ZFP37: variants seen among roughly 807,000 people sequenced by gnomAD.
The protein encoded by ZFP37 is ZFP37 zinc finger protein.
A neutral mutation model predicts 52.1 loss-of-function variants in ZFP37; 38 were observed. The observed-to-expected ratio is 0.73, with a 90% CI of 0.56 to 0.96. The LOEUF (loss-of-function observed/expected upper bound fraction) is 0.96, where lower values mean the gene tolerates loss of function less well. Among genes scored for constraint, ZFP37 ranks in the 40% least tolerant of loss-of-function variants. The probability of loss-of-function intolerance (pLI) is 0.00; values close to 1 mark genes in which losing one functional copy is unlikely to be tolerated. For synonymous variants in ZFP37, 253 were observed against 259.5 expected, an observed-to-expected ratio of 0.98 and a Z score of 0.24; for missense variants, 695 against 741.4, an observed-to-expected ratio of 0.94 and a Z score of 0.73.
At position 113,049,353 on chromosome 9, in the gene ZFP37, A is replaced by G; in HGVS notation, c.349+9T>C. 1.9e-6 allele frequency: 3 copies of G among 1,611,562 alleles called. No individual in the cohort carries two copies. The South Asian group carries it at 3.3e-5, about 18-fold the overall frequency. ...TTATTTGCTGAAAAATTTCAAAGTT[A>G]CAACTTACTTCCATCAGTTTCTTTT... On this transcript the variant is annotated intron_variant, in intron 3 of 3. Coordinates refer to ENST00000374227, the MANE Select transcript of ZFP37 (RefSeq NM_003408.3).
At chr9:113,056,476 C>A in intron 1 of ZFP37, 81 bp downstream of exon 1, 1 of 1,561,116 alleles carries the variant, frequency 6.4e-7, no homozygotes. Context: ...AATCACCTAT[C>A]GTCACAGACT....
intron 3 of ZFP37, among the ~76,000 whole-genome samples, chr9:113,046,245 CAGAT>C (rs977036736): frequency 1.7e-5 from 2 of 120,784 alleles, no homozygotes; most frequent in African/African-American, 6.2e-5. Flanking sequence ...TATATATAGA[CAGAT>C]AAATATCTAT....
chr9:113,050,945 A>G (rs1006759129), intron 1 of ZFP37, among the ~76,000 whole-genome samples: 1 of 152,090 alleles, frequency 6.6e-6, no homozygotes. Flanking sequence ...TATTGTAGGC[A>G]TGTAAGAATG....
In ZFP37 at chr9:113,052,985, A is replaced by G. The variant is rs1829083489; in HGVS notation, c.133-3113T>C. Among the ~76,000 whole-genome samples the G allele has an allele frequency of 1.3e-5, 2 of 152,318 alleles. No homozygotes were observed. The highest frequency in any genetic ancestry group is 4.2e-4 in the South Asian group (2 of 4,818). ...AGCTAAATTCCTGCCATAATGCTGC[A>G]CTACCTCCGTATCAACGTGGAAGAG... On this transcript the variant is annotated intron_variant, in intron 1 of 3. Transcript: ENST00000374227. The surrounding 1 kb of genome is among the most constrained non-coding windows in gnomAD (Gnocchi z 4.1).
At position 113,043,833 on chromosome 9, in the gene ZFP37, T is replaced by G. The variant is rs1310904209; in HGVS notation, c.785A>C (p.Gln262Pro). The G allele has an allele frequency of 6.2e-7, 1 of 1,614,110 alleles. No homozygotes were observed. The highest frequency in any genetic ancestry group is 1.1e-5 in the South Asian group (1 of 91,078). Reference protein sequence around the residue: ...LCCHSSSHIKQDKIQTGEKHE... With the variant: ...LCCHSSSHIKPDKIQTGEKHE... ...TTTCTCTCCAGTTTGAATTTTGTCCTGTTTAATATGGGATGAACTATGACA... is the reference window on the plus strand; with the variant it reads ...TTTCTCTCCAGTTTGAATTTTGTCCGGTTTAATATGGGATGAACTATGACA... Residue 262 changes from glutamine to proline, a missense_variant, in exon 4 of 4, where the codon CAG (glutamine) becomes CCG (proline). Physicochemically the swap from Gln to Pro is moderately conservative, Grantham distance 76. Coordinates refer to ENST00000374227, the MANE Select transcript of ZFP37 (RefSeq NM_003408.3).
At chr9:113,049,682 A>G (rs1829022313) in intron 2 of ZFP37, 109 bp downstream of exon 2, 1 of 1,488,954 alleles carries the variant, frequency 6.7e-7, no homozygotes, top group Non-Finnish European at 9.0e-7. Flanking sequence ...AGTACCCAAA[A>G]AAGAAGAAAG....
In ZFP37 at chr9:113,056,594, A is replaced by G. The variant is rs374528149; in HGVS notation, c.95T>C (p.Leu32Pro). 1 of 1,613,736 alleles carries G rather than the reference A, an allele frequency of 6.2e-7. No homozygotes were observed. The highest frequency in any genetic ancestry group is 8.5e-7 in the Non-Finnish European group (1 of 1,179,996). ...AETTKEAGRPLEMAVSEPEAS... is the reference protein window; with the variant it reads ...AETTKEAGRPPEMAVSEPEAS... ...CTCGGGCTCGGACACAGCCATCTCCAGTGGTCGCCCGGCCTCTTTGGTCGT... is the reference window on the plus strand; with the variant it reads ...CTCGGGCTCGGACACAGCCATCTCCGGTGGTCGCCCGGCCTCTTTGGTCGT... Residue 32 changes from leucine to proline, a missense_variant, in exon 1 of 4, where the codon CTG becomes CCG. By Grantham distance (98) the Leu-to-Pro change is moderately conservative (BLOSUM62 -3). Around this residue, in one of 2 missense-constraint regions of ZFP37, gnomAD observed 369 missense variants for 340.9 expected, o/e 1.08. Coordinates refer to ENST00000374227, the MANE Select transcript of ZFP37 (RefSeq NM_003408.3).
Position 113,056,637 on chromosome 9 carries a change from G to T in ZFP37, c.52C>A (p.Arg18=), listed in dbSNP as rs1483425305. The change falls in exon 1 of 4, where the codon CGG becomes AGG. Residue 18 remains arginine, a synonymous_variant. Coordinates refer to ENST00000374227, the MANE Select transcript of ZFP37 (RefSeq NM_003408.3). ...TTGGTCGTTTCCGCACTTCTCCTCC[G>T]GTCCACGGTCTCTGGCTTTGTCAGA... ...QILTKPETVD[R]RRSAETTKEA... 1 of 1,613,818 alleles carries T rather than the reference G, an allele frequency of 6.2e-7. No homozygotes were observed. Among genetic ancestry groups the T allele is most frequent in the African/African-American group, 1.3e-5 (1 of 74,942 alleles).
At chr9:113,044,378 G>GGTAT in intron 3 of ZFP37, 110 bp from the exon 4 acceptor site, 1 of 970,092 alleles carries the variant, frequency 1.0e-6, no homozygotes, top group Non-Finnish European at 1.5e-6. Flanking sequence ...ATTCAAGCCT[G>GGTAT]GTATACCAAT....
intron 3 of ZFP37, among the ~76,000 whole-genome samples, chr9:113,047,924 G>C (rs1331441820): frequency 6.6e-6 from 1 of 152,224 alleles, no homozygotes; most frequent in East Asian, 1.9e-4. Context: ...GAAGTCACGA[G>C]TGTAGAATAA....
Position 113,042,628 on chromosome 9 carries a change from A to C in ZFP37, c.*97T>G, listed in dbSNP as rs980442509. 3.9e-6 allele frequency: 4 copies of C among 1,037,204 alleles called. No individual in the cohort carries two copies. The highest frequency in any genetic ancestry group is 5.4e-6 in the Non-Finnish European group (4 of 738,970). 64.3% of individuals were successfully genotyped at this position (1,037,204 alleles called of 1,614,324 possible). A position where few individuals can be genotyped will look rare whatever the true frequency, so the allele number is the denominator to read the frequency against. On this transcript the variant is annotated 3_prime_UTR_variant, in exon 4 of 4. Transcript: ENST00000374227. ...AGTTTCTCATGTACAACAAGGTGTG[A>C]CATCTTGCTAAAGGCTTTCTAACAC... is the stretch of plus-strand genomic sequence containing the variant.
intron 3 of ZFP37, among the ~76,000 whole-genome samples, chr9:113,047,457 T>A (rs758404489): frequency 3.6e-4 from 54 of 151,952 alleles, no homozygotes; most frequent in Non-Finnish European, 6.3e-4. Context: ...TGGTAACATG[T>A]AAGATCAATT....
At chr9:113,047,136 C>T (rs1828971835) in intron 3 of ZFP37, among the ~76,000 whole-genome samples, 1 of 150,710 alleles carries the variant, frequency 6.6e-6, no homozygotes. Flanking sequence ...AGAACCTGAA[C>T]CAAGAAGAGA....
rs1828803368 is a variant in ZFP37, at chr9:113,038,798, A to T, written c.*3927T>A. 6.6e-6 allele frequency: 1 copy of T among 152,058 alleles called. No individual in the cohort carries two copies. Among genetic ancestry groups the T allele is most frequent in the Non-Finnish European group, 1.5e-5 (1 of 68,004 alleles). The allele number at this position is 152,058 out of a possible 1,614,324, so 9.4% of individuals were successfully genotyped here. A position where few individuals can be genotyped will look rare whatever the true frequency, so the allele number is the denominator to read the frequency against. On this transcript the variant is annotated 3_prime_UTR_variant, in exon 4 of 4. Transcript: ENST00000374227. ...TTTGTCTCAAAACAAAATAAAACAA[A>T]AAAAGAAAGATTCAATTTCCTCAAG...
rs533510255 is a variant in ZFP37, at chr9:113,054,464, T to C, written c.132+2093A>G. On this transcript the variant is annotated intron_variant, in intron 1 of 3. Transcript: ENST00000374227. ...TAAATACCATCTTTATTGTGATGCA[T>C]TTCAAAAATGGTTCCCTAGCTCACC... 3.1e-4 allele frequency among the ~76,000 whole-genome samples: 47 copies of C among 152,306 alleles called. 1 individual carries two copies. Among genetic ancestry groups the C allele is most frequent in the African/African-American group, 8.7e-4 (36 of 41,562 alleles).
At position 113,040,420 on chromosome 9, in the gene ZFP37, C is replaced by T. The variant is rs1319270080; in HGVS notation, c.*2305G>A. ...ACTGGTAGAAATGGCTTTCATATTG[C>T]ATTTTCTTCCCATGTGATAAATAAG... On this transcript the variant is annotated 3_prime_UTR_variant, in exon 4 of 4. Transcript: ENST00000374227. 1.3e-5 allele frequency: 2 copies of T among 152,292 alleles called. No homozygotes were observed. The highest frequency in any genetic ancestry group is 3.9e-4 in the East Asian group (2 of 5,180). The allele number at this position is 152,292 out of a possible 1,614,324, so 9.4% of individuals were successfully genotyped here.
At position 113,041,466 on chromosome 9, in the gene ZFP37, G is replaced by A. The variant is rs16917711; in HGVS notation, c.*1259C>T. On this transcript the variant is annotated 3_prime_UTR_variant, in exon 4 of 4. Transcript: ENST00000374227. ...TTTGTTTCATTCGAATTCCCTGATT[G>A]AGGTGTTTGTGTGTTAGTTCTTTGA... 4.6e-5 allele frequency: 7 copies of A among 152,140 alleles called. No individual in the cohort carries two copies. Among genetic ancestry groups the A allele is most frequent in the Non-Finnish European group, 8.8e-5 (6 of 68,028 alleles). The allele number at this position is 152,140 out of a possible 1,614,324, so 9.4% of individuals were successfully genotyped here. A position where few individuals can be genotyped will look rare whatever the true frequency, so the allele number is the denominator to read the frequency against.
At chr9:113,054,506 G>C (rs1013765707) in intron 1 of ZFP37, among the ~76,000 whole-genome samples, 1 of 152,092 alleles carries the variant, frequency 6.6e-6, no homozygotes, top group Non-Finnish European at 1.5e-5. Context: ...CTAAGTTCCA[G>C]ATTCATATAT....
intron 1 of ZFP37, among the ~76,000 whole-genome samples, chr9:113,053,729 G>A (rs1436397690): frequency 1.3e-5 from 2 of 152,130 alleles, no homozygotes; most frequent in Admixed American, 6.5e-5. Context: ...CCAGCAACCT[G>A]TTTCCAAACT....
Sources: allele counts gnomAD v4.1 joint callset (sites outside exome capture counted in the v4.1 genomes callset), GRCh38; gene constraint gnomAD v4.1.1; regional missense constraint gnomAD v4.1.1; non-coding constraint Gnocchi (gnomAD v3.1); transcripts MANE v1.5; gene names NCBI Gene and HGNC (gene_info 2026-07-23, HGNC 2026-07-21).